CFAP47: variants seen among roughly 807,000 people sequenced by gnomAD.
CFAP47 encodes the protein cilia- and flagella-associated protein 47.
In CFAP47, 29 loss-of-function variants were observed where a neutral mutation model predicts 148.1. The ratio of observed to expected loss-of-function variants is 0.20; its 90% CI spans 0.15 to 0.27. CFAP47 has a LOEUF of 0.27. CFAP47 is among the 10% of genes least tolerant of loss of function. CFAP47 has a pLI of 1.00. For synonymous variants in CFAP47, 664 were observed against 577.3 expected (o/e 1.15, Z -2.15); for missense variants, 1,872 against 1,697.5 (o/e 1.10, Z -1.81).
intron 35 of CFAP47, among the ~76,000 whole-genome samples, 196 bp downstream of exon 35, chrX:36,138,660 T>C (rs1022490839): frequency 9.0e-6 from 1 of 111,157 alleles, no homozygotes; most frequent in African/African-American, 3.3e-5. Context: ...TGTATAATTA[T>C]ATACATCCAG....
intron 51 of CFAP47, among the ~76,000 whole-genome samples, chrX:36,287,672 G>A (rs1163038444): frequency 9.0e-6 from 1 of 111,466 alleles, no homozygotes; most frequent in Non-Finnish European, 1.9e-5. Flanking sequence ...GATTTGTTGA[G>A]AAGGGACATC....
At chrX:36,234,964 G>A (rs1218348080) in intron 46 of CFAP47, among the ~76,000 whole-genome samples, 6 of 111,397 alleles carry the variant, frequency 5.4e-5, no homozygotes, top group Non-Finnish European at 7.5e-5. Context: ...CTGTCTGATC[G>A]TTCCTCTGGA....
intron 33 of CFAP47, among the ~76,000 whole-genome samples, chrX:36,132,876 A>T: frequency 9.0e-6 from 1 of 111,643 alleles, no homozygotes; most frequent in Non-Finnish European, 1.9e-5. Flanking sequence ...CCTGGTTTCT[A>T]CTCAGGGAGA....
chrX:35,988,527 T>C (rs1382474960), intron 15 of CFAP47, among the ~76,000 whole-genome samples: 1 of 111,774 alleles, frequency 8.9e-6, no homozygotes, highest in Non-Finnish European at 1.9e-5. Context: ...CAGTATATAG[T>C]TTTTAAGATT....
chrX:36,303,880 T>G lies in CFAP47; in HGVS notation c.8002T>G (p.Cys2668Gly). The change falls in exon 54 of 64, where the codon TGT (cysteine) becomes GGT (glycine). Residue 2668 changes from cysteine (C) to glycine (G), a missense_variant. Coordinates refer to ENST00000378653, the MANE Select transcript of CFAP47 (RefSeq NM_001304548.2). ...HVTQIIPLVN[C>G]THETLKLQVT... is the part of the protein sequence containing the mutation. ...CACTCAGATCATTCCTTTAGTTAAT[T>G]GTACGCATGAAACCTTAAAATTGCA... 8.7e-7 allele frequency: 1 copy of G among 1,143,844 alleles called. No homozygotes were observed. The allele number at this position is 1,143,844 out of a possible 1,213,427, so 94.3% of individuals were successfully genotyped here.
chrX:36,243,337 G>T (rs782768855), intron 48 of CFAP47, among the ~76,000 whole-genome samples: 1 of 109,653 alleles, frequency 9.1e-6, no homozygotes, highest in African/African-American at 3.3e-5. Flanking sequence ...TATCAGTACT[G>T]ACCCTAAATG....
chrX:36,138,269 T>C lies in CFAP47; in HGVS notation c.5419-79T>C, dbSNP rs1939078675. 15 of 930,730 alleles carry C rather than the reference T, an allele frequency of 1.6e-5. No homozygotes were observed. In the South Asian group the frequency reaches 4.5e-4, roughly 28 times the overall value. 76.7% of individuals were successfully genotyped at this position (930,730 alleles called of 1,213,427 possible). The stretch of plus-strand genomic sequence containing the variant: ...CAAATATTAATATTTAAATGATTCT[T>C]TGCCTAACTATAGAGAACACTTAAA... On this transcript the variant is annotated intron_variant, in intron 34 of 63. Coordinates refer to ENST00000378653, the MANE Select transcript of CFAP47 (RefSeq NM_001304548.2).
intron 26 of CFAP47, among the ~76,000 whole-genome samples, chrX:36,057,488 G>A (rs774975675): frequency 4.5e-5 from 5 of 111,724 alleles, no homozygotes; most frequent in Non-Finnish European, 9.4e-5. Context: ...TGTCAATTTT[G>A]TGCTACACCT....
Position 35,964,777 on chromosome X carries a change from T to C in CFAP47, c.1411-1788T>C, listed in dbSNP as rs537285111. On this transcript the variant is annotated intron_variant, in intron 8 of 63. Coordinates refer to ENST00000378653, the MANE Select transcript of CFAP47 (RefSeq NM_001304548.2). ...AGTAAATTTAAAATTTTAGTTACGTTACTCTTCAATTCCAGAACATTTATT... is the reference window on the plus strand; with the variant it reads ...AGTAAATTTAAAATTTTAGTTACGTCACTCTTCAATTCCAGAACATTTATT... Among the ~76,000 whole-genome samples the C allele has an allele frequency of 8.9e-5, 10 of 111,885 alleles. No homozygotes were observed. The South Asian group carries it at 2.9e-3, about 33-fold the overall frequency.
chrX:36,036,711 G>A (rs1049470247), intron 24 of CFAP47, among the ~76,000 whole-genome samples: 12 of 111,681 alleles, frequency 1.1e-4, no homozygotes, highest in African/African-American at 2.9e-4. Flanking sequence ...TACACATGTG[G>A]TAATCTAGAT....
At chrX:36,119,216 T>C (rs1047805071) in intron 33 of CFAP47, among the ~76,000 whole-genome samples, 8 of 112,178 alleles carry the variant, frequency 7.1e-5, no homozygotes, top group Non-Finnish European at 1.5e-4. Context: ...GTCTGTCATA[T>C]GTAGCTGTTA....
At position 36,303,864 on chromosome X, in the gene CFAP47, C is replaced by T. The variant is rs1556008293; in HGVS notation, c.7986C>T (p.Ile2662=). Reference sequence around the variant, plus strand: ...TTTCTCCTAGGCATGTCACTCAGATCATTCCTTTAGTTAATTGTACGCATG... The same window carrying T: ...TTTCTCCTAGGCATGTCACTCAGATTATTCCTTTAGTTAATTGTACGCATG... ...QCDLGKHVTQ[I]IPLVNCTHET... The change falls in exon 54 of 64, where the codon ATC becomes ATT. Residue 2662 remains isoleucine, a synonymous_variant. Coordinates refer to ENST00000378653, the MANE Select transcript of CFAP47 (RefSeq NM_001304548.2). 7 of 1,120,469 alleles carry T rather than the reference C, an allele frequency of 6.2e-6. No individual in the cohort carries two copies. The highest frequency in any genetic ancestry group is 7.1e-6 in the Non-Finnish European group (6 of 840,989). The allele number at this position is 1,120,469 out of a possible 1,213,427, so 92.3% of individuals were successfully genotyped here.
intron 29 of CFAP47, among the ~76,000 whole-genome samples, chrX:36,074,993 C>A (rs114003252): frequency 1.8e-5 from 2 of 110,484 alleles, no homozygotes; most frequent in African/African-American, 6.6e-5. Flanking sequence ...AGGAGTGTTA[C>A]ATTTTCTTTA....
chrX:35,997,208 A>T, intron 18 of CFAP47, 104 bp from the exon 19 acceptor site: 1 of 261,697 alleles, frequency 3.8e-6, no homozygotes. Context: ...ATATGTTACT[A>T]TTATTTAAAT....
chrX:35,977,030 C>T (rs1936581311), intron 15 of CFAP47, among the ~76,000 whole-genome samples: 1 of 111,599 alleles, frequency 9.0e-6, no homozygotes, highest in African/African-American at 3.3e-5. Flanking sequence ...GTGAGGACCT[C>T]ATGATGGCAC....
chrX:36,073,422 C>A, intron 29 of CFAP47, 58 bp downstream of exon 29: 1 of 748,669 alleles, frequency 1.3e-6, no homozygotes, highest in East Asian at 3.2e-5. Flanking sequence ...AAAATATAAT[C>A]TATTGATTGA....
In CFAP47 at chrX:36,116,427, T is replaced by G. The variant is rs748583577; in HGVS notation, c.5320+11736T>G. On this transcript the variant is annotated intron_variant, in intron 33 of 63. Transcript: ENST00000378653. ...TTTTATTGCTGGGTGTGGTTCGAAT[T>G]TCAATATACATTTCCTTACAATACG... Among the ~76,000 whole-genome samples, 3 of 112,241 alleles carry G rather than the reference T, an allele frequency of 2.7e-5. No homozygotes were observed. The Admixed American group carries it at 2.8e-4, about 11-fold the overall frequency.
intron 56 of CFAP47, among the ~76,000 whole-genome samples, chrX:36,314,151 T>A (rs1224666112): frequency 3.6e-5 from 4 of 111,505 alleles, no homozygotes; most frequent in Non-Finnish European, 7.5e-5. Flanking sequence ...GACAGAGAAT[T>A]GGGCAATCCA....
chrX:36,170,630 C>T (rs1939559309), intron 39 of CFAP47, among the ~76,000 whole-genome samples: 1 of 109,327 alleles, frequency 9.1e-6, no homozygotes, highest in Admixed American at 9.8e-5. Flanking sequence ...ATGAACACAT[C>T]ATTTTTTATG....
Sources: allele counts gnomAD v4.1 joint callset (sites outside exome capture counted in the v4.1 genomes callset), GRCh38; gene constraint gnomAD v4.1.1; transcripts MANE v1.5; gene names NCBI Gene and HGNC (gene_info 2026-07-23, HGNC 2026-07-21).